HOOK3: variants seen among roughly 807,000 people sequenced by gnomAD.
The protein encoded by HOOK3 is protein Hook homolog 3.
A neutral mutation model predicts 116.3 loss-of-function variants in HOOK3; 24 were observed. The ratio of observed to expected loss-of-function variants is 0.21; its 90% confidence interval spans 0.15 to 0.29. The LOEUF is 0.29. HOOK3 is among the 10% of genes least tolerant of loss of function. The probability of loss-of-function intolerance (pLI) is 1.00; values close to 1 mark genes in which losing one functional copy is unlikely to be tolerated. For missense variants in HOOK3, 632 were observed against 830.2 expected (o/e 0.76, Z 2.93); for synonymous variants, 275 against 283.0 (o/e 0.97, Z 0.28).
At chr8:43,004,272 C>G (rs1809431112) in intron 17 of HOOK3, among the ~76,000 whole-genome samples, 1 of 149,764 alleles carries the variant, frequency 6.7e-6, no homozygotes, top group Non-Finnish European at 1.5e-5. Context: ...GAGGCTGAGG[C>G]AGTAGAATCA....
rs557611908 is a variant in HOOK3, at chr8:42,908,444, G to T, written c.143+2186G>T. On this transcript the variant is annotated intron_variant, in intron 2 of 21. Transcript: ENST00000307602. ...AAAGCTGTGGTAATTAAAACACAGT[G>T]CTGGCATAAAAATAGACACAATGAC... 2.6e-5 allele frequency among the ~76,000 whole-genome samples: 4 copies of T among 152,314 alleles called. No individual in the cohort carries two copies. The South Asian group carries it at 8.3e-4, about 32-fold the overall frequency.
rs568249628 is a variant in HOOK3, at chr8:42,910,214, A to T, written c.143+3956A>T. ...TAGTTTGTCAATGTAAATTTTGAAA[A>T]TTTTTTTTCATGAATTGAAGTAAAC... On this transcript the variant is annotated intron_variant, in intron 2 of 21. Transcript: ENST00000307602. 1.1e-4 allele frequency among the ~76,000 whole-genome samples: 17 copies of T among 152,078 alleles called. 1 individual carries two copies. The highest frequency in any genetic ancestry group is 1.9e-4 in the East Asian group (1 of 5,172).
chr8:42,931,590 C>T (rs1249026965), intron 4 of HOOK3, among the ~76,000 whole-genome samples: 1 of 148,394 alleles, frequency 6.7e-6, no homozygotes, highest in Admixed American at 6.7e-5. Context: ...TGCCACCATG[C>T]CCGGCTAATT....
rs1267705604 is a variant in HOOK3 at position 42,996,879 on chromosome 8, C to T, written c.1533-671C>T. The stretch of plus-strand genomic sequence containing the variant: ...TTTCCTCCCCACTAGACTTTAATTC[C>T]GTGAGGGCAGGGATCTTTTTTTTTT... On this transcript the variant is annotated intron_variant, in intron 15 of 21. Coordinates refer to ENST00000307602, the MANE Select transcript of HOOK3 (RefSeq NM_032410.4). 5.5e-5 allele frequency among the ~76,000 whole-genome samples: 8 copies of T among 146,510 alleles called. No individual in the cohort carries two copies. The East Asian group carries it at 5.9e-4, about 11-fold the overall frequency.
rs76338593 is a variant in HOOK3, at chr8:43,027,457, C to T, written c.*8959C>T. 1.8e-3 allele frequency: 860 copies of T among 477,962 alleles called. 13 individuals are homozygous for T. The highest frequency in any genetic ancestry group is 0.015 in the African/African-American group (787 of 50,798). The allele number at this position is 477,962 out of a possible 1,614,324, so 29.6% of individuals were successfully genotyped here. On this transcript the variant is annotated 3_prime_UTR_variant, in exon 22 of 22. Coordinates refer to ENST00000307602, the MANE Select transcript of HOOK3 (RefSeq NM_032410.4). ...AGAGACATGCTTTTAAAGTACAAAA[C>T]GTTTCTCTTCTACCTTACCCCCTGT... is the stretch of plus-strand genomic sequence containing the variant.
At chr8:42,906,987 A>G (rs1038290741) in intron 2 of HOOK3, among the ~76,000 whole-genome samples, 1 of 152,248 alleles carries the variant, frequency 6.6e-6, no homozygotes, top group Non-Finnish European at 1.5e-5. Context: ...TAAATAAAGC[A>G]TACCCAATTC....
At chr8:43,011,384 T>C (rs561685781) in intron 19 of HOOK3, among the ~76,000 whole-genome samples, 6 of 152,286 alleles carry the variant, frequency 3.9e-5, no homozygotes, top group South Asian at 4.1e-4. Flanking sequence ...TTAAAGGTTA[T>C]GCATTATGAG....
intron 4 of HOOK3, among the ~76,000 whole-genome samples, chr8:42,931,955 A>G (rs145616382): frequency 1.8e-3 from 268 of 152,048 alleles, no homozygotes; most frequent in Non-Finnish European, 3.1e-3. Flanking sequence ...GGGTTTCACC[A>G]TATTGGCCAG....
intron 4 of HOOK3, among the ~76,000 whole-genome samples, chr8:42,933,080 C>T (rs1270849763): frequency 6.6e-6 from 1 of 152,178 alleles, no homozygotes; most frequent in Non-Finnish European, 1.5e-5. Flanking sequence ...TCTTTAAGAA[C>T]TACATTAGGC....
chr8:42,982,969 A>G (rs1003193122), intron 14 of HOOK3, among the ~76,000 whole-genome samples: 4 of 152,226 alleles, frequency 2.6e-5, no homozygotes, highest in Non-Finnish European at 5.9e-5. Context: ...ACATTAAGCA[A>G]TGAATACATT....
chr8:42,912,831 G>A (rs1001929709), intron 2 of HOOK3, among the ~76,000 whole-genome samples: 1 of 152,144 alleles, frequency 6.6e-6, no homozygotes, highest in African/African-American at 2.4e-5. Flanking sequence ...TTTGACAAAT[G>A]CGTTTTATGT....
chr8:42,971,142 G>A (rs193083221), intron 11 of HOOK3, among the ~76,000 whole-genome samples: 2 of 151,942 alleles, frequency 1.3e-5, no homozygotes, highest in Non-Finnish European at 2.9e-5. Flanking sequence ...AGCATAACTG[G>A]ACTTCAGTAC....
At chr8:43,001,718 A>G (rs909492804) in intron 16 of HOOK3, among the ~76,000 whole-genome samples, 1 of 152,192 alleles carries the variant, frequency 6.6e-6, no homozygotes. Context: ...ATACTTTATC[A>G]TGACTCAAGG....
chr8:42,974,046 C>A, intron 12 of HOOK3, 61 bp from the exon 13 acceptor site: 1 of 1,132,816 alleles, frequency 8.8e-7, no homozygotes, highest in Non-Finnish European at 1.3e-6. Context: ...AAGGCAGAGG[C>A]CACTGATGAA....
intron 8 of HOOK3, 36 bp downstream of exon 8, chr8:42,959,350 C>T: frequency 7.7e-7 from 1 of 1,296,408 alleles, no homozygotes; most frequent in Non-Finnish European, 1.1e-6. Flanking sequence ...CTCTTTGAAA[C>T]ATACCACTGT....
At chr8:42,902,613 C>T (rs1807214084) in intron 1 of HOOK3, among the ~76,000 whole-genome samples, 1 of 152,142 alleles carries the variant, frequency 6.6e-6, no homozygotes. Flanking sequence ...TTCCCCTACA[C>T]ACCAGGTTTG....
intron 4 of HOOK3, among the ~76,000 whole-genome samples, chr8:42,941,964 A>C (rs1030141972): frequency 3.9e-5 from 6 of 152,206 alleles, no homozygotes; most frequent in Admixed American, 1.3e-4. Flanking sequence ...CCATCCATCT[A>C]AAATACCAAT....
rs1809459279 is a variant in HOOK3, at chr8:43,005,214, A to AATTT, written c.1656-2633_1656-2632insATTT. 1.6e-3 allele frequency among the ~76,000 whole-genome samples: 101 copies of AATTT among 63,200 alleles called. 2 individuals carry two copies. The highest frequency in any genetic ancestry group is 6.3e-3 in the African/African-American group (95 of 15,132). The allele number at this position is 63,200 out of a possible 152,430, so 41.5% of individuals were successfully genotyped here. On this transcript the variant is annotated intron_variant, in intron 17 of 21. Coordinates refer to ENST00000307602, the MANE Select transcript of HOOK3 (RefSeq NM_032410.4). ...CTCTCTCTCTCTATATATATATATAATTTTTTTTTTTTTTTTTTTTTTTTG... is the reference window on the plus strand; with the variant it reads ...CTCTCTCTCTCTATATATATATATAAATTTTTTTTTTTTTTTTTTTTTTTTTTTG...
At chr8:42,999,585 G>GACCAC in intron 16 of HOOK3, among the ~76,000 whole-genome samples, 1 of 152,238 alleles carries the variant, frequency 6.6e-6, no homozygotes, top group Admixed American at 6.5e-5. Context: ...GCCAAAGGAA[G>GACCAC]TGGTCCCCTC....
Sources: allele counts gnomAD v4.1 joint callset (sites outside exome capture counted in the v4.1 genomes callset), GRCh38; gene constraint gnomAD v4.1.1; transcripts MANE v1.5; gene names NCBI Gene and HGNC (gene_info 2026-07-23, HGNC 2026-07-21).